Variants in NLGN4X observed in about 807,000 individuals in gnomAD.
NLGN4X encodes the protein neuroligin 4 X-linked, also known as neuroligin-4, X-linked.
Under a neutral mutation model 40.3 loss-of-function variants are expected in NLGN4X, and 3 were observed. The ratio of observed to expected loss-of-function variants is 0.07; its 90% CI spans 0.03 to 0.19. The LOEUF (loss-of-function observed/expected upper bound fraction) is 0.19, where lower values mean the gene tolerates loss of function less well. Among genes scored for constraint, NLGN4X ranks in the 10% least tolerant of loss-of-function variants. The pLI is 1.00. For synonymous variants in NLGN4X, 270 were observed against 306.8 expected, an observed-to-expected ratio of 0.88 and a Z score of 1.25; for missense variants, 382 against 708.3, an observed-to-expected ratio of 0.54 and a Z score of 5.23.
intron 2 of NLGN4X, among the ~76,000 whole-genome samples, chrX:6,130,307 C>T (rs1456511832): frequency 1.8e-5 from 2 of 111,839 alleles, no homozygotes; most frequent in African/African-American, 6.5e-5. Flanking sequence ...TGGCACTCCA[C>T]ATGAAAGCCT....
intron 3 of NLGN4X, among the ~76,000 whole-genome samples, chrX:6,011,916 T>A (rs1263360734): frequency 9.0e-6 from 1 of 111,510 alleles, no homozygotes; most frequent in East Asian, 2.8e-4. Context: ...AACAGTTGAG[T>A]TTGAAAAAAA....
At chrX:6,088,115 G>A (rs1438533220) in intron 2 of NLGN4X, among the ~76,000 whole-genome samples, 1 of 112,475 alleles carries the variant, frequency 8.9e-6, no homozygotes, top group African/African-American at 3.2e-5. Flanking sequence ...GGGAAAAGGC[G>A]GAAAATGGTA....
chrX:6,009,873 C>G (rs1303351211), intron 3 of NLGN4X, among the ~76,000 whole-genome samples: 1 of 112,643 alleles, frequency 8.9e-6, no homozygotes, highest in Non-Finnish European at 1.9e-5. Context: ...AATCTGCTCT[C>G]TGTTCACAGA....
chrX:6,122,262 G>A (rs1244140579), intron 2 of NLGN4X, among the ~76,000 whole-genome samples: 1 of 111,094 alleles, frequency 9.0e-6, no homozygotes, highest in Non-Finnish European at 1.9e-5. Context: ...TTCTTGAGAT[G>A]CAGTCACACT....
chrX:6,000,535 A>C (rs2035946100), intron 3 of NLGN4X, among the ~76,000 whole-genome samples: 1 of 111,212 alleles, frequency 9.0e-6, no homozygotes, highest in African/African-American at 3.3e-5. Context: ...TGTGCCTTGC[A>C]GCTAGGTTGT....
chrX:6,160,330 G>A (rs1171064591), intron 1 of NLGN4X, among the ~76,000 whole-genome samples: 2 of 110,835 alleles, frequency 1.8e-5, no homozygotes, highest in African/African-American at 3.3e-5. Context: ...ACCTTTATTA[G>A]CAGGATATAA....
chrX:5,981,429 T>C (rs922928492), intron 3 of NLGN4X, among the ~76,000 whole-genome samples: 8 of 67,052 alleles, frequency 1.2e-4, no homozygotes, highest in South Asian at 9.7e-4. Flanking sequence ...ACAGGATTTA[T>C]GATTGTGTAC....
intron 3 of NLGN4X, among the ~76,000 whole-genome samples, chrX:5,944,650 C>CAAAAAA (rs750871231): frequency 6.7e-4 from 17 of 25,358 alleles, no homozygotes; most frequent in Middle Eastern, 0.019. Context: ...GACTCTGTCT[C>CAAAAAA]AAAAAAAAAA....
chrX:6,182,057 T>C (rs952111241), intron 1 of NLGN4X, among the ~76,000 whole-genome samples: 11 of 111,343 alleles, frequency 9.9e-5, no homozygotes, highest in African/African-American at 3.6e-4. Context: ...GGGAGGAAGG[T>C]AGCAATAACA....
intron 1 of NLGN4X, chrX:6,187,620 G>A (rs1028544312): frequency 8.9e-6 from 1 of 112,589 alleles, no homozygotes; most frequent in African/African-American, 3.2e-5. Context: ...AGATAAAACA[G>A]TCCTCGCCAA....
intron 2 of NLGN4X, among the ~76,000 whole-genome samples, chrX:6,040,820 A>T (rs2037136803): frequency 8.9e-6 from 1 of 112,354 alleles, no homozygotes; most frequent in African/African-American, 3.2e-5. Flanking sequence ...TAATTGAGAT[A>T]TAATTAATAT....
intron 3 of NLGN4X, among the ~76,000 whole-genome samples, chrX:6,014,764 C>T (rs1399432697): frequency 9.0e-6 from 1 of 111,715 alleles, no homozygotes; most frequent in Non-Finnish European, 1.9e-5. Context: ...TGCCCCTTTA[C>T]ATAGACAGCC....
intron 3 of NLGN4X, among the ~76,000 whole-genome samples, chrX:5,939,838 T>A (rs2033863743): frequency 2.7e-5 from 3 of 111,791 alleles, no homozygotes; most frequent in Non-Finnish European, 5.6e-5. Flanking sequence ...GTCTTCAGGA[T>A]GTGGTGTATC....
intron 3 of NLGN4X, among the ~76,000 whole-genome samples, chrX:5,978,288 CTTTCTTTCTTTCT>C (rs2147051318): frequency 5.3e-5 from 1 of 18,808 alleles, no homozygotes; most frequent in African/African-American, 3.8e-4. Context: ...TTCTTTCTTT[CTTTCTTTCTTTCT>C]TTCTTTCTTT....
intron 2 of NLGN4X, among the ~76,000 whole-genome samples, chrX:6,061,927 G>C (rs943679148): frequency 9.0e-6 from 1 of 111,443 alleles, no homozygotes; most frequent in Admixed American, 9.6e-5. Flanking sequence ...CTCCAGCCTT[G>C]GTCCTTTCTC....
intron 2 of NLGN4X, among the ~76,000 whole-genome samples, chrX:6,037,503 A>C (rs945161428): frequency 9.0e-5 from 10 of 110,731 alleles, no homozygotes; most frequent in Non-Finnish European, 1.9e-4. Context: ...ATCATCATAG[A>C]AAGTCAATAG....
At chrX:5,923,325 G>A (rs1446244123) in intron 3 of NLGN4X, among the ~76,000 whole-genome samples, 1 of 111,922 alleles carries the variant, frequency 8.9e-6, no homozygotes, top group African/African-American at 3.3e-5. Flanking sequence ...ATTTTTTATA[G>A]AGACAGGGTT....
At chrX:5,988,239 G>A (rs138896889) in intron 3 of NLGN4X, among the ~76,000 whole-genome samples, 32 of 111,841 alleles carry the variant, frequency 2.9e-4, no homozygotes, top group African/African-American at 9.7e-4. Context: ...CCATTGATCC[G>A]TCCATCACAG....
intron 2 of NLGN4X, among the ~76,000 whole-genome samples, chrX:6,131,480 C>T (rs2039680945): frequency 8.9e-6 from 1 of 112,098 alleles, no homozygotes; most frequent in African/African-American, 3.2e-5. Flanking sequence ...CACCCCTCTG[C>T]AGAATAAATC....
Sources: gnomAD v4.1 joint callset for allele counts (sites outside exome capture counted in the v4.1 genomes callset) on GRCh38, gnomAD v4.1.1 for gene constraint, MANE v1.5 for transcripts, NCBI Gene and HGNC (gene_info 2026-07-23, HGNC 2026-07-21) for gene names.